The following PRDM15 variants were observed in gnomAD, a reference collection of about 807,000 sequenced individuals.
PRDM15 encodes PR domain zinc finger protein 15.
Under a neutral mutation model 128.6 loss-of-function variants are expected in PRDM15, and 64 were observed. The ratio of observed to expected loss-of-function variants is 0.50; its 90% CI spans 0.41 to 0.61. PRDM15 has a LOEUF of 0.61. Ranked by LOEUF, PRDM15 falls within the 20% of genes least tolerant of loss-of-function variation. The probability of loss-of-function intolerance (pLI) is 0.00; values close to 1 mark genes in which losing one functional copy is unlikely to be tolerated. For missense variants in PRDM15, 1,242 were observed against 1,569.1 expected, an observed-to-expected ratio of 0.79 and a Z score of 3.52; for synonymous variants, 615 against 621.8, an observed-to-expected ratio of 0.99 and a Z score of 0.16.
rs139054091 is a variant in PRDM15, at chr21:41,839,738, G to A, written c.756C>T (p.Pro252=). The change falls in exon 7 of 24, where the codon CCC becomes CCT. Residue 252 remains proline (P), a synonymous_variant. Transcript: ENST00000398548. ...CTTTGGTGGCAACATTCTCGCTCTCGGGCACTGCAGGGGGTTCCCCCCGGG... is the reference window on the plus strand; with the variant it reads ...CTTTGGTGGCAACATTCTCGCTCTCAGGCACTGCAGGGGGTTCCCCCCGGG... The part of the protein sequence containing the change: ...DTPRGEPPAV[P]ESENVATKEQ... 7.7e-5 allele frequency: 124 copies of A among 1,614,186 alleles called. No individual in the cohort carries two copies. The African/African-American group carries it at 1.2e-3, about 16-fold the overall frequency.
rs1434935886 is a variant in PRDM15 at position 41,822,031 on chromosome 21, C to G, written c.1768G>C (p.Ala590Pro). ...TCCCTCTGGTGGTCATCCATCAACG[C>G]GATGTCCTGGAAAACAGCCACCACT... ...DHIHVHFKDI[A>P]LMDDHQREEF... is the part of the protein sequence containing the mutation. The change falls in exon 15 of 24, where the codon GCG (alanine) becomes CCG (proline). Residue 590 changes from alanine to proline, a missense_variant. Physicochemically the swap from Ala to Pro is conservative, Grantham distance 27 (BLOSUM62 -1). Around this residue, in one of 3 missense-constraint regions of PRDM15, gnomAD observed 602 missense variants for 788.3 expected, o/e 0.76. Coordinates refer to ENST00000398548, the MANE Select transcript of PRDM15 (RefSeq NM_001040424.3). The G allele has an allele frequency of 4.3e-6, 7 of 1,614,034 alleles. No individual in the cohort carries two copies. Among genetic ancestry groups the G allele is most frequent in the Non-Finnish European group, 5.1e-6 (6 of 1,180,046 alleles).
At chr21:41,878,520 T>C (rs967931714) in intron 1 of PRDM15, among the ~76,000 whole-genome samples, 2 of 151,976 alleles carry the variant, frequency 1.3e-5, no homozygotes, top group Non-Finnish European at 2.9e-5. Flanking sequence ...GTGGCCCCCG[T>C]CCCCACCTGT....
chr21:41,806,519 C>CCAT (rs1294163356), intron 21 of PRDM15, among the ~76,000 whole-genome samples: 928 of 17,382 alleles, frequency 0.053, 82 homozygotes, highest in Middle Eastern at 0.17. Flanking sequence ...ATCACCACCA[C>CCAT]CATCACCACC....
At chr21:41,874,525 A>ATATATATTTTTTTT in intron 1 of PRDM15, among the ~76,000 whole-genome samples, 75 of 95,800 alleles carry the variant, frequency 7.8e-4, no homozygotes, top group African/African-American at 2.3e-3. Context: ...ATATATATAT[A>ATATATATTTTTTTT]TTTTTTTTTT....
intron 1 of PRDM15, chr21:41,878,973 A>T: frequency 3.0e-6 from 3 of 989,306 alleles, no homozygotes; most frequent in Non-Finnish European, 1.2e-6. Flanking sequence ...GAGCCCGGCC[A>T]GGAGCGCCCG....
At chr21:41,809,528 G>A (rs1454355873) in intron 21 of PRDM15, among the ~76,000 whole-genome samples, 1 of 152,158 alleles carries the variant, frequency 6.6e-6, no homozygotes, top group African/African-American at 2.4e-5. Flanking sequence ...ACCGTGCCCG[G>A]CCCAGATTTT....
intron 21 of PRDM15, among the ~76,000 whole-genome samples, chr21:41,809,062 G>C (rs989695734): frequency 6.6e-6 from 1 of 152,154 alleles, no homozygotes; most frequent in Non-Finnish European, 1.5e-5. Flanking sequence ...TGGGATGCGC[G>C]GTGAGCTGAA....
intron 6 of PRDM15, among the ~76,000 whole-genome samples, chr21:41,846,429 C>T (rs1568976113): frequency 6.6e-6 from 1 of 152,238 alleles, no homozygotes; most frequent in Non-Finnish European, 1.5e-5. Flanking sequence ...GCAGGCTGGG[C>T]ACGGTGGCTC....
chr21:41,864,921 G>A (rs540674065), intron 1 of PRDM15, among the ~76,000 whole-genome samples: 9 of 96,172 alleles, frequency 9.4e-5, no homozygotes, highest in East Asian at 3.5e-4. Flanking sequence ...TTCCCGGAAC[G>A]CCAAGCTGGG....
In PRDM15 at chr21:41,802,706, A is replaced by G. The variant is rs764953588; in HGVS notation, c.2943+6T>C. ...ACCTAATCAGAACATAAAGCAGCAA[A>G]CTGACCTGCTGAATGCTCTGTACTG... On this transcript the variant is annotated splice_donor_region_variant and intron_variant, in intron 23 of 23. Coordinates refer to ENST00000398548, the MANE Select transcript of PRDM15 (RefSeq NM_001040424.3). 3 of 1,613,408 alleles carry G rather than the reference A, an allele frequency of 1.9e-6. No homozygotes were observed. In the Admixed American group the frequency reaches 5.0e-5, roughly 27 times the overall value.
chr21:41,867,363 T>G, intron 1 of PRDM15: 1 of 1,613,736 alleles, frequency 6.2e-7, no homozygotes, highest in Non-Finnish European at 8.5e-7. Flanking sequence ...CAGGAAAAGT[T>G]TTGTGCAAAG....
At chr21:41,805,952 G>A (rs947550245) in intron 21 of PRDM15, among the ~76,000 whole-genome samples, 2 of 126,042 alleles carry the variant, frequency 1.6e-5, no homozygotes, top group African/African-American at 3.0e-5. Context: ...CTACCACCAC[G>A]TGGCATCACC....
Position 41,828,495 on chromosome 21 carries a change from C to T in PRDM15, c.1367-162G>A, listed in dbSNP as rs949451896. On this transcript the variant is annotated intron_variant, in intron 11 of 23. Coordinates refer to ENST00000398548, the MANE Select transcript of PRDM15 (RefSeq NM_001040424.3). The surrounding 1 kb of genome is among the most constrained non-coding windows in gnomAD (Gnocchi z 5.7). ...ACAGCACCTGTGTGTCATACACTGT[C>T]TACCCCAGGAACTCACGATGCAGAG... Among the ~76,000 whole-genome samples the T allele has an allele frequency of 1.3e-5, 2 of 151,966 alleles. No individual in the cohort carries two copies. The highest frequency in any genetic ancestry group is 1.3e-4 in the Admixed American group (2 of 15,276).
intron 6 of PRDM15, among the ~76,000 whole-genome samples, chr21:41,843,212 C>T (rs6586287): frequency 0.84 from 127,806 of 152,198 alleles, 53,869 homozygotes; most frequent in African/African-American, 0.92. Context: ...ATTTTTTTCC[C>T]GTGTTTATAT....
chr21:41,819,547 T>A (rs372863579), intron 18 of PRDM15, 35 bp downstream of exon 18: 116 of 1,539,912 alleles, frequency 7.5e-5, no homozygotes, highest in Non-Finnish European at 9.9e-5. Flanking sequence ...GTGGCCTGGC[T>A]GAGCCTGGCC....
intron 18 of PRDM15, among the ~76,000 whole-genome samples, chr21:41,816,154 G>A (rs1462929378): frequency 1.3e-5 from 2 of 152,234 alleles, no homozygotes; most frequent in African/African-American, 2.4e-5. Flanking sequence ...GGGAGAATTC[G>A]GTGAGAGATA....
chr21:41,834,661 G>C, intron 11 of PRDM15: 1 of 931,672 alleles, frequency 1.1e-6, no homozygotes, highest in Non-Finnish European at 1.7e-6. Context: ...CCACCACTGG[G>C]AATGGGGAAG....
Position 41,821,306 on chromosome 21 carries a change from C to A in PRDM15, c.1897-76G>T. On this transcript the variant is annotated intron_variant, in intron 15 of 23. Coordinates refer to ENST00000398548, the MANE Select transcript of PRDM15 (RefSeq NM_001040424.3). The surrounding 1 kb of genome is among the most constrained non-coding windows in gnomAD (Gnocchi z 5.4). ...TCCTCTTAGCTAATGAGGTCGTGTC[C>A]ACAAACCAGGGCACCCGACACGCCC... The A allele has an allele frequency of 1.3e-6, 2 of 1,563,706 alleles. No individual in the cohort carries two copies. Among genetic ancestry groups the A allele is most frequent in the East Asian group, 2.3e-5 (1 of 43,964 alleles).
intron 23 of PRDM15, 70 bp from the exon 24 acceptor site, chr21:41,801,792 A>C: frequency 6.6e-7 from 1 of 1,526,394 alleles, no homozygotes. Flanking sequence ...CCTCCCCAGG[A>C]TGCGCTCTGT....
Sources: gnomAD v4.1 joint callset for allele counts (sites outside exome capture counted in the v4.1 genomes callset) on GRCh38, gnomAD v4.1.1 for gene constraint, gnomAD v4.1.1 regional missense constraint, Gnocchi (gnomAD v3.1) non-coding constraint, MANE v1.5 for transcripts, NCBI Gene and HGNC (gene_info 2026-07-23, HGNC 2026-07-21) for gene names.